Variants in PCGF6 observed in about 807,000 individuals in gnomAD.
PCGF6 encodes polycomb group ring finger 6.
Under a neutral mutation model 45.5 loss-of-function variants are expected in PCGF6, and 24 were observed. The ratio of observed to expected loss-of-function variants is 0.53; its 90% CI spans 0.38 to 0.74. The LOEUF is 0.74. Among genes scored for constraint, PCGF6 ranks in the 30% least tolerant of loss-of-function variants. The pLI is 0.00. For missense variants in PCGF6, 356 were observed against 443.2 expected (o/e 0.80, Z 1.77); for synonymous variants, 152 against 162.1 (o/e 0.94, Z 0.47).
intron 7 of PCGF6, 125 bp from the exon 8 acceptor site, chr10:103,326,757 C>G: frequency 3.5e-6 from 2 of 571,662 alleles, no homozygotes; most frequent in Non-Finnish European, 5.6e-6. Context: ...ATTCAATAGA[C>G]TCTTGAAAAA....
intron 9 of PCGF6, among the ~76,000 whole-genome samples, chr10:103,309,904 T>C (rs1019079442): frequency 6.6e-6 from 1 of 151,782 alleles, no homozygotes; most frequent in African/African-American, 2.4e-5. Flanking sequence ...ATTGTGCCAC[T>C]GCATTCCATG....
intron 6 of PCGF6, among the ~76,000 whole-genome samples, chr10:103,342,367 G>A (rs1294205056): frequency 6.6e-6 from 1 of 151,964 alleles, no homozygotes; most frequent in Non-Finnish European, 1.5e-5. Context: ...CTGGGTAGCT[G>A]GGACTACAGG....
At chr10:103,321,157 T>G (rs985943899) in intron 8 of PCGF6, among the ~76,000 whole-genome samples, 29 of 152,196 alleles carry the variant, frequency 1.9e-4, no homozygotes, top group African/African-American at 7.0e-4. Context: ...ACAAAGAAAA[T>G]TAAAGGTTGA....
At chr10:103,304,623 G>A (rs2093131234) in intron 9 of PCGF6, among the ~76,000 whole-genome samples, 1 of 148,076 alleles carries the variant, frequency 6.8e-6, no homozygotes, top group Non-Finnish European at 1.5e-5. Context: ...TTAGAGGCGT[G>A]AGCCAGAACA....
intron 8 of PCGF6, among the ~76,000 whole-genome samples, chr10:103,324,771 A>T (rs1171607882): frequency 1.4e-5 from 2 of 143,656 alleles, no homozygotes; most frequent in African/African-American, 2.7e-5. Flanking sequence ...AAAAAAAAAA[A>T]AACCAAAAAA....
Position 103,351,129 on chromosome 10 carries a change from G to A in PCGF6, c.-63C>T, listed in dbSNP as rs2093320379. Reference sequence around the variant, plus strand: ...GAGCGCGGGAGTTCGGCCGGCCTCGGACGCCACCACTGCGCAGGCGCGGCA... The same window carrying A: ...GAGCGCGGGAGTTCGGCCGGCCTCGAACGCCACCACTGCGCAGGCGCGGCA... On this transcript the variant is annotated 5_prime_UTR_variant, in exon 1 of 10. Transcript: ENST00000369847. 3.0e-6 allele frequency: 4 copies of A among 1,327,388 alleles called. No homozygotes were observed. Among genetic ancestry groups the A allele is most frequent in the South Asian group, 2.3e-5 (1 of 42,614 alleles). 82.2% of individuals were successfully genotyped at this position (1,327,388 alleles called of 1,614,324 possible). A position where few individuals can be genotyped will look rare whatever the true frequency, so the allele number is the denominator to read the frequency against.
At position 103,316,013 on chromosome 10, in the gene PCGF6, T is replaced by TAGAG. The variant is rs5787488; in HGVS notation, c.910-1745_910-1742dup. ...GTGTGTGTATATATATATATATATA[T>TAGAG]AGAGAGAGAGAGAGAGAGAGAGAGA... On this transcript the variant is annotated intron_variant, in intron 8 of 9. Coordinates refer to ENST00000369847, the MANE Select transcript of PCGF6 (RefSeq NM_001011663.2). 5.3e-3 allele frequency among the ~76,000 whole-genome samples: 628 copies of TAGAG among 119,476 alleles called. 4 individuals are homozygous for TAGAG. The highest frequency in any genetic ancestry group is 0.012 in the African/African-American group (375 of 30,938). 78.4% of individuals were successfully genotyped at this position (119,476 alleles called of 152,430 possible).
At chr10:103,322,208 T>C (rs1026684619) in intron 8 of PCGF6, among the ~76,000 whole-genome samples, 26 of 151,974 alleles carry the variant, frequency 1.7e-4, no homozygotes, top group Non-Finnish European at 2.9e-4. Flanking sequence ...ACTTCACTTA[T>C]TTTTATTTTT....
At chr10:103,334,956 C>T (rs2093251494) in intron 6 of PCGF6, among the ~76,000 whole-genome samples, 2 of 152,196 alleles carry the variant, frequency 1.3e-5, no homozygotes, top group South Asian at 2.1e-4. Context: ...CTGAAATTCA[C>T]ACTCAGGTGT....
At chr10:103,333,790 A>G (rs1396165684) in intron 7 of PCGF6, 135 bp downstream of exon 7, 9 of 600,220 alleles carry the variant, frequency 1.5e-5, no homozygotes, top group Non-Finnish European at 2.8e-6. Context: ...TTTTATTCAT[A>G]AATCTATAAT....
In PCGF6 at chr10:103,351,044, G is replaced by A; in HGVS notation, c.23C>T (p.Thr8Met). ...TTTGGCAGCGCCTACGCTGCCCGCC[G>A]TCACCACCGCGACCCCCTCCATGGT... MEGVAVV[T>M]AGSVGAAKTE... The change falls in exon 1 of 10, where the codon ACG (threonine) becomes ATG (methionine). Residue 8 changes from threonine (T) to methionine (M), a missense_variant. Physicochemically the swap from Thr to Met is moderately conservative, Grantham distance 81. This residue lies in a region of PCGF6 where 307 missense variants were observed against 350.1 expected (regional missense o/e 0.88). Transcript: ENST00000369847. 5.0e-6 allele frequency: 7 copies of A among 1,389,920 alleles called. No individual in the cohort carries two copies. The highest frequency in any genetic ancestry group is 6.5e-6 in the Non-Finnish European group (7 of 1,071,572). The allele number at this position is 1,389,920 out of a possible 1,614,324, so 86.1% of individuals were successfully genotyped here.
chr10:103,351,038 C>G lies in PCGF6; in HGVS notation c.29G>C (p.Gly10Ala), dbSNP rs1378524242. Residue 10 changes from glycine (G) to alanine (A), a missense_variant, in exon 1 of 10, where the codon GGC becomes GCC. Coordinates refer to ENST00000369847, the MANE Select transcript of PCGF6 (RefSeq NM_001011663.2). ...CTCGGTTTTGGCAGCGCCTACGCTG[C>G]CCGCCGTCACCACCGCGACCCCCTC... MEGVAVVTA[G>A]SVGAAKTEGA... The G allele has an allele frequency of 7.2e-7, 1 of 1,389,802 alleles. No individual in the cohort carries two copies. Among genetic ancestry groups the G allele is most frequent in the Non-Finnish European group, 9.3e-7 (1 of 1,071,470 alleles). The allele number at this position is 1,389,802 out of a possible 1,614,324, so 86.1% of individuals were successfully genotyped here. A position where few individuals can be genotyped will look rare whatever the true frequency, so the allele number is the denominator to read the frequency against.
At chr10:103,325,142 T>TA (rs367596760) in intron 8 of PCGF6, among the ~76,000 whole-genome samples, 2 of 144,992 alleles carry the variant, frequency 1.4e-5, no homozygotes, top group African/African-American at 5.1e-5. Context: ...CTCAAAATAA[T>TA]AAATAAAATA....
rs1374348832 is a variant in PCGF6 at position 103,351,097 on chromosome 10, G to A, written c.-31C>T. ...GGAGAGACACCAGGCGAGGCGAGGC[G>A]GCGGGAGAGCGCGGGAGTTCGGCCG... On this transcript the variant is annotated 5_prime_UTR_variant, in exon 1 of 10. Transcript: ENST00000369847. 2.2e-6 allele frequency: 3 copies of A among 1,344,908 alleles called. No homozygotes were observed. Among genetic ancestry groups the A allele is most frequent in the Middle Eastern group, 2.0e-4 (1 of 4,968 alleles). 83.3% of individuals were successfully genotyped at this position (1,344,908 alleles called of 1,614,324 possible). A position where few individuals can be genotyped will look rare whatever the true frequency, so the allele number is the denominator to read the frequency against.
At chr10:103,313,893 G>A (rs888907953) in intron 9 of PCGF6, among the ~76,000 whole-genome samples, 2 of 152,128 alleles carry the variant, frequency 1.3e-5, no homozygotes, top group Admixed American at 6.6e-5. Context: ...CCCACTGACT[G>A]TAGGAAGTTA....
intron 8 of PCGF6, among the ~76,000 whole-genome samples, chr10:103,321,355 C>A (rs1247495131): frequency 1.3e-5 from 2 of 152,074 alleles, no homozygotes; most frequent in African/African-American, 2.4e-5. Flanking sequence ...AAAAGAAACC[C>A]ACATTTTTAG....
intron 9 of PCGF6, among the ~76,000 whole-genome samples, chr10:103,310,249 G>A (rs547896551): frequency 6.6e-6 from 1 of 150,862 alleles, no homozygotes; most frequent in Non-Finnish European, 1.5e-5. Context: ...ACCACACCTG[G>A]CCCAACCATG....
chr10:103,329,128 C>G (rs1349316037), intron 7 of PCGF6, among the ~76,000 whole-genome samples: 1 of 152,068 alleles, frequency 6.6e-6, no homozygotes, highest in African/African-American at 2.4e-5. Flanking sequence ...CAACCTCTGC[C>G]TCTTGGATTC....
At chr10:103,330,277 T>A (rs1178892857) in intron 7 of PCGF6, among the ~76,000 whole-genome samples, 1 of 151,804 alleles carries the variant, frequency 6.6e-6, no homozygotes, top group Admixed American at 6.6e-5. Context: ...GGTTTCCCCA[T>A]GTTGCCGAGG....
Sources: allele counts gnomAD v4.1 joint callset (sites outside exome capture counted in the v4.1 genomes callset), GRCh38; gene constraint gnomAD v4.1.1; regional missense constraint gnomAD v4.1.1; transcripts MANE v1.5; gene names NCBI Gene and HGNC (gene_info 2026-07-23, HGNC 2026-07-21).